Variants in CDK8 observed in about 807,000 individuals in gnomAD.
CDK8 encodes cyclin dependent kinase 8.
Under a neutral mutation model 71.5 loss-of-function variants are expected in CDK8, and 29 were observed. That is an observed-to-expected ratio of 0.41 (90% CI 0.30 to 0.55). The LOEUF (loss-of-function observed/expected upper bound fraction) is 0.55. Among genes scored for constraint, CDK8 ranks in the 20% least tolerant of loss-of-function variants. The pLI is 0.37. For missense variants in CDK8, 288 were observed against 572.6 expected (o/e 0.50, Z 5.07); for synonymous variants, 161 against 192.1 (o/e 0.84, Z 1.34).
chr13:26,270,390 A>C (rs1872250675), intron 1 of CDK8, among the ~76,000 whole-genome samples: 1 of 115,634 alleles, frequency 8.6e-6, no homozygotes, highest in Admixed American at 7.7e-5. Flanking sequence ...ACTCTGTCTC[A>C]AAAAAAAAAA....
intron 5 of CDK8, among the ~76,000 whole-genome samples, chr13:26,384,246 GT>G (rs35004387): frequency 0.26 from 38,016 of 147,480 alleles, 5,485 homozygotes; most frequent in East Asian, 0.44. Flanking sequence ...CAACTTTTGG[GT>G]TTTTTTTTTT....
intron 1 of CDK8, among the ~76,000 whole-genome samples, chr13:26,283,670 C>T (rs1315419134): frequency 3.3e-5 from 5 of 152,156 alleles, no homozygotes; most frequent in African/African-American, 4.8e-5. Flanking sequence ...GAGGCTGAGG[C>T]GGGCGGATCA....
chr13:26,309,773 T>A (rs796567885), intron 1 of CDK8, among the ~76,000 whole-genome samples: 2 of 152,126 alleles, frequency 1.3e-5, no homozygotes, highest in Non-Finnish European at 2.9e-5. Flanking sequence ...CATCTTACCA[T>A]CTTTTTATTT....
chr13:26,293,212 A>G (rs1873382642), intron 1 of CDK8, among the ~76,000 whole-genome samples: 1 of 152,086 alleles, frequency 6.6e-6, no homozygotes, highest in African/African-American at 2.4e-5. Flanking sequence ...TGTATATATA[A>G]TTTGTCATCT....
chr13:26,396,381 G>GTTGATTT, intron 8 of CDK8, 27 bp downstream of exon 8: 1 of 1,154,812 alleles, frequency 8.7e-7, no homozygotes, highest in African/African-American at 1.6e-5. Flanking sequence ...GAGACTCCTT[G>GTTGATTT]TTGATTTTTG....
At chr13:26,269,685 T>C (rs1566464796) in intron 1 of CDK8, among the ~76,000 whole-genome samples, 1 of 152,196 alleles carries the variant, frequency 6.6e-6, no homozygotes, top group Non-Finnish European at 1.5e-5. Context: ...TTTGATCATG[T>C]AGTGTCTTTT....
At chr13:26,342,015 T>G (rs1336234527) in intron 2 of CDK8, among the ~76,000 whole-genome samples, 1 of 152,078 alleles carries the variant, frequency 6.6e-6, no homozygotes, top group South Asian at 2.1e-4. Flanking sequence ...CCGCCTCCCG[T>G]GTTCAAGCGA....
intron 1 of CDK8, among the ~76,000 whole-genome samples, chr13:26,266,250 C>T (rs1166081493): frequency 6.6e-6 from 1 of 152,068 alleles, no homozygotes; most frequent in African/African-American, 2.4e-5. Context: ...ATTTAATGCT[C>T]AAGAGAGGAG....
chr13:26,375,008 G>T (rs1258146225), intron 4 of CDK8, among the ~76,000 whole-genome samples: 1 of 152,014 alleles, frequency 6.6e-6, no homozygotes, highest in African/African-American at 2.4e-5. Context: ...AATAGGAAAT[G>T]AGCTATATAA....
intron 9 of CDK8, 115 bp downstream of exon 9, chr13:26,397,340 C>G: frequency 1.6e-6 from 1 of 637,706 alleles, no homozygotes; most frequent in Non-Finnish European, 2.8e-6. Flanking sequence ...AGAGTGCTTT[C>G]ATGGTAAATG....
intron 1 of CDK8, among the ~76,000 whole-genome samples, chr13:26,330,931 G>C (rs575086450): frequency 6.6e-6 from 1 of 152,246 alleles, no homozygotes; most frequent in South Asian, 2.1e-4. Context: ...TGATACATTT[G>C]TTTCTTTTTG....
At chr13:26,361,822 G>A (rs1311719302) in intron 4 of CDK8, among the ~76,000 whole-genome samples, 8 of 101,240 alleles carry the variant, frequency 7.9e-5, no homozygotes, top group African/African-American at 2.3e-4. Context: ...TTGAGACAGG[G>A]TGTCACTGTG....
At chr13:26,293,477 C>T (rs1375188767) in intron 1 of CDK8, among the ~76,000 whole-genome samples, 3 of 151,602 alleles carry the variant, frequency 2.0e-5, no homozygotes, top group Admixed American at 2.0e-4. Context: ...TGGCGGTGTG[C>T]ACCTGTAGTC....
intron 1 of CDK8, among the ~76,000 whole-genome samples, chr13:26,274,437 CTT>C (rs565492135): frequency 1.4e-5 from 2 of 144,672 alleles, no homozygotes; most frequent in Non-Finnish European, 1.5e-5. Context: ...TTCTTTCTTT[CTT>C]TTTTTTTTTT....
At chr13:26,349,499 A>C (rs917042124) in intron 3 of CDK8, among the ~76,000 whole-genome samples, 1 of 152,206 alleles carries the variant, frequency 6.6e-6, no homozygotes, top group Non-Finnish European at 1.5e-5. Flanking sequence ...TTTGCTCTAA[A>C]ATAGAAAAGT....
intron 1 of CDK8, among the ~76,000 whole-genome samples, chr13:26,282,900 C>T (rs1198007068): frequency 6.6e-6 from 1 of 151,990 alleles, no homozygotes; most frequent in African/African-American, 2.4e-5. Context: ...AAGCCAAAAG[C>T]AAGCAGGAAT....
intron 1 of CDK8, among the ~76,000 whole-genome samples, chr13:26,320,253 GA>G (rs890059871): frequency 3.8e-4 from 55 of 143,902 alleles, no homozygotes; most frequent in African/African-American, 1.1e-3. Context: ...ATTTAAAAAA[GA>G]AAAAAAAAAG....
At chr13:26,377,553 C>T (rs977197890) in intron 4 of CDK8, among the ~76,000 whole-genome samples, 16 of 151,750 alleles carry the variant, frequency 1.1e-4, no homozygotes, top group African/African-American at 3.9e-4. Context: ...CAAATTTAAA[C>T]AGAGGAAGGC....
intron 4 of CDK8, among the ~76,000 whole-genome samples, chr13:26,378,281 C>A (rs1450247394): frequency 6.6e-6 from 1 of 152,128 alleles, no homozygotes; most frequent in African/African-American, 2.4e-5. Flanking sequence ...AAAACGAAAC[C>A]AATTTGCTAT....
Sources: allele counts gnomAD v4.1 joint callset (sites outside exome capture counted in the v4.1 genomes callset), GRCh38; gene constraint gnomAD v4.1.1; transcripts MANE v1.5; gene names NCBI Gene and HGNC (gene_info 2026-07-23, HGNC 2026-07-21).